Variants in ARHGAP20 observed in about 807,000 individuals in gnomAD.
ARHGAP20 encodes rho GTPase-activating protein 20.
Under a neutral mutation model 73.7 loss-of-function variants are expected in ARHGAP20, and 34 were observed. That is an observed-to-expected ratio of 0.46 (90% CI 0.35 to 0.61). ARHGAP20 has a LOEUF of 0.61. Ranked by LOEUF, ARHGAP20 falls within the 20% of genes least tolerant of loss-of-function variation. The pLI, the probability that ARHGAP20 is intolerant of heterozygous loss-of-function variation, is 0.00. For missense variants in ARHGAP20, 1,314 were observed against 1,420.9 expected, an observed-to-expected ratio of 0.92 and a Z score of 1.21; for synonymous variants, 523 against 518.2, an observed-to-expected ratio of 1.01 and a Z score of -0.13.
intron 2 of ARHGAP20, among the ~76,000 whole-genome samples, chr11:110,651,593 A>C (rs1346785518): frequency 6.6e-6 from 1 of 152,112 alleles, no homozygotes; most frequent in Non-Finnish European, 1.5e-5. Flanking sequence ...GAATATGATA[A>C]ACACCTCTAA....
intron 2 of ARHGAP20, among the ~76,000 whole-genome samples, chr11:110,648,223 A>AAATATATATATATG (rs1565457508): frequency 2.6e-5 from 1 of 38,492 alleles, no homozygotes; most frequent in African/African-American, 2.6e-4. Context: ...ATATATATGT[A>AAATATATATATATG]TATATATATA....
At chr11:110,593,496 T>C (rs543208263) in intron 9 of ARHGAP20, among the ~76,000 whole-genome samples, 11 of 152,264 alleles carry the variant, frequency 7.2e-5, no homozygotes, top group African/African-American at 1.2e-4. Flanking sequence ...AAGGTAGATA[T>C]AGAGGTCAAA....
At chr11:110,646,294 T>C (rs1473405703) in intron 2 of ARHGAP20, among the ~76,000 whole-genome samples, 1 of 152,144 alleles carries the variant, frequency 6.6e-6, no homozygotes, top group Admixed American at 6.6e-5. Flanking sequence ...AATGAGCTGA[T>C]TCAATTAATT....
chr11:110,671,550 A>G (rs1354358440), intron 2 of ARHGAP20, among the ~76,000 whole-genome samples: 5 of 152,136 alleles, frequency 3.3e-5, no homozygotes, highest in African/African-American at 1.2e-4. Flanking sequence ...GGAAGAAGTA[A>G]AACCATTTTT....
chr11:110,582,546 A>C (rs1443727135), intron 13 of ARHGAP20, 111 bp from the exon 14 acceptor site: 1 of 664,118 alleles, frequency 1.5e-6, no homozygotes, highest in Non-Finnish European at 2.6e-6. Context: ...CCAGAGAAAA[A>C]TTCATATCGG....
chr11:110,664,847 A>C (rs1484968836), intron 2 of ARHGAP20, among the ~76,000 whole-genome samples: 1 of 152,168 alleles, frequency 6.6e-6, no homozygotes, highest in East Asian at 1.9e-4. Flanking sequence ...GCAAACTACA[A>C]AACACTGTTG....
intron 1 of ARHGAP20, among the ~76,000 whole-genome samples, chr11:110,692,845 A>C (rs150472975): frequency 9.9e-5 from 15 of 152,134 alleles, no homozygotes; most frequent in Admixed American, 3.3e-4. Context: ...AGAAACATGG[A>C]ATGAAAATCC....
In ARHGAP20 at chr11:110,592,099, G is replaced by A. The variant is rs1947843501; in HGVS notation, c.1021C>T (p.Arg341Ter). ...RRSIINWAFW[R>*]GSSTHLDNLP... ...TTGTCCAGGTGAGTGCTAGAACCTCGCCAGAAGGCCCAGTTTATGATAGAT... is the reference window on the plus strand; with the variant it reads ...TTGTCCAGGTGAGTGCTAGAACCTCACCAGAAGGCCCAGTTTATGATAGAT... Residue 341 changes from arginine (R) to a stop codon, truncating the protein, a stop_gained, in exon 10 of 15, where the codon CGA becomes TGA. Coordinates refer to ENST00000683387, the MANE Select transcript of ARHGAP20 (RefSeq NM_001384657.1). LOFTEE classifies it high-confidence loss of function. 2.5e-6 allele frequency: 4 copies of A among 1,614,140 alleles called. No individual in the cohort carries two copies. Among genetic ancestry groups the A allele is most frequent in the South Asian group, 2.2e-5 (2 of 91,076 alleles).
intron 3 of ARHGAP20, among the ~76,000 whole-genome samples, chr11:110,627,774 A>G (rs959802336): frequency 1.3e-5 from 2 of 152,200 alleles, no homozygotes; most frequent in African/African-American, 4.8e-5. Flanking sequence ...TGGGTGCTCA[A>G]TGGCTATTAT....
intron 2 of ARHGAP20, among the ~76,000 whole-genome samples, chr11:110,659,039 T>G (rs1332968804): frequency 6.6e-6 from 1 of 151,708 alleles, no homozygotes; most frequent in Non-Finnish European, 1.5e-5. Flanking sequence ...TGTGTCTTTA[T>G]AGCAGCATGA....
At chr11:110,656,365 G>A (rs957009399) in intron 2 of ARHGAP20, among the ~76,000 whole-genome samples, 1 of 152,148 alleles carries the variant, frequency 6.6e-6, no homozygotes, top group East Asian at 1.9e-4. Flanking sequence ...CTTTGAATTG[G>A]TGGAAGCTCT....
intron 2 of ARHGAP20, among the ~76,000 whole-genome samples, chr11:110,641,380 A>C (rs1386005392): frequency 6.6e-6 from 1 of 152,034 alleles, no homozygotes; most frequent in Non-Finnish European, 1.5e-5. Context: ...GAAGTTGTTT[A>C]ACAACATCTA....
Position 110,611,396 on chromosome 11 carries a change from A to G in ARHGAP20, c.631-10T>C. ...CTGTTATAGTTTTAGACTGTAGAAA[A>G]AAAATAAGAAATATAGCTATAAAAT... On this transcript the variant is annotated splice_polypyrimidine_tract_variant and intron_variant, in intron 6 of 14. Coordinates refer to ENST00000683387, the MANE Select transcript of ARHGAP20 (RefSeq NM_001384657.1). 1 of 1,359,538 alleles carries G rather than the reference A, an allele frequency of 7.4e-7. No individual in the cohort carries two copies. Among genetic ancestry groups the G allele is most frequent in the Non-Finnish European group, 1.0e-6 (1 of 993,720 alleles). 84.2% of individuals were successfully genotyped at this position (1,359,538 alleles called of 1,614,324 possible).
chr11:110,682,510 C>A (rs1950056579), intron 2 of ARHGAP20, among the ~76,000 whole-genome samples: 2 of 152,028 alleles, frequency 1.3e-5, no homozygotes, highest in Admixed American at 1.3e-4. Flanking sequence ...CCTTTAAGAC[C>A]AGACACCTGG....
At chr11:110,711,550 G>A in intron 1 of ARHGAP20, 3 of 1,353,200 alleles carry the variant, frequency 2.2e-6, no homozygotes, top group Non-Finnish European at 2.9e-6. Context: ...CCTGGTGTGG[G>A]GGGCAGTACT....
rs185975847 is a variant in ARHGAP20, at chr11:110,642,276, T to C, written c.189-11484A>G. On this transcript the variant is annotated intron_variant, in intron 2 of 14. Coordinates refer to ENST00000683387, the MANE Select transcript of ARHGAP20 (RefSeq NM_001384657.1). The stretch of plus-strand genomic sequence containing the variant: ...CGTCTTTTTATATTTGGATGCCTTT[T>C]ATTTCTTTCTCTTGCCTGATTGCTC... 2.4e-4 allele frequency among the ~76,000 whole-genome samples: 36 copies of C among 152,188 alleles called. No individual in the cohort carries two copies. In the East Asian group the frequency reaches 4.1e-3, roughly 17 times the overall value.
At chr11:110,685,474 A>G (rs1950115284) in intron 2 of ARHGAP20, among the ~76,000 whole-genome samples, 1 of 149,368 alleles carries the variant, frequency 6.7e-6, no homozygotes, top group South Asian at 2.2e-4. Context: ...CACCTCCAGC[A>G]GCTCTGAATG....
intron 9 of ARHGAP20, among the ~76,000 whole-genome samples, chr11:110,604,487 T>A (rs546894257): frequency 2.0e-5 from 3 of 152,214 alleles, no homozygotes; most frequent in African/African-American, 7.2e-5. Flanking sequence ...TATTATAAAA[T>A]AAAATTGACA....
chr11:110,671,082 A>G (rs1949817977), intron 2 of ARHGAP20, among the ~76,000 whole-genome samples: 1 of 152,120 alleles, frequency 6.6e-6, no homozygotes, highest in Non-Finnish European at 1.5e-5. Flanking sequence ...GTAACATTGT[A>G]AGATGCTAAA....
Sources: gnomAD v4.1 joint callset for allele counts (sites outside exome capture counted in the v4.1 genomes callset) on GRCh38, gnomAD v4.1.1 for gene constraint, MANE v1.5 for transcripts, NCBI Gene and HGNC (gene_info 2026-07-23, HGNC 2026-07-21) for gene names.